PHF11: variants seen among roughly 807,000 people sequenced by gnomAD.
PHF11 encodes the protein PHD finger protein 11.
PHF11 carries 38 observed loss-of-function variants against 40.5 expected under a neutral mutation model. That is an observed-to-expected ratio of 0.94 (90% CI 0.72 to 1.23). The LOEUF (loss-of-function observed/expected upper bound fraction) is 1.23, where lower values mean the gene tolerates loss of function less well. Ranked by LOEUF, PHF11 falls within the 50% of genes most tolerant of loss-of-function variation. The pLI is 0.00. For missense variants in PHF11, 369 were observed against 392.4 expected (o/e 0.94, Z 0.50); for synonymous variants, 127 against 138.2 (o/e 0.92, Z 0.57).
chr13:49,502,162 G>A (rs961440563), intron 1 of PHF11, among the ~76,000 whole-genome samples: 6 of 152,092 alleles, frequency 3.9e-5, no homozygotes, highest in Admixed American at 3.3e-4. Context: ...TTAGCTAGAT[G>A]TGGTTGCATG....
rs528976183 is a variant in PHF11 at position 49,525,016 on chromosome 13, A to G, written c.769+800A>G. ...CCTGCATTCCTGTTGCTAAGATCTG[A>G]GAACAGTGTTATGTTACAGTTTTGA... On this transcript the variant is annotated intron_variant, in intron 8 of 9. Transcript: ENST00000378319. 3.3e-5 allele frequency among the ~76,000 whole-genome samples: 5 copies of G among 152,316 alleles called. No individual in the cohort carries two copies. In the East Asian group the frequency reaches 9.6e-4, roughly 29 times the overall value.
In PHF11 at chr13:49,526,106, T is replaced by C. The variant is rs1277613940; in HGVS notation, c.770-281T>C. ...ATCGCTTGAACCCAGGAGGCAGAGG[T>C]TGCAGTGAGCCAAGATCGCACCACT... On this transcript the variant is annotated intron_variant, in intron 8 of 9. Transcript: ENST00000378319. 5 of 367,026 alleles carry C rather than the reference T, an allele frequency of 1.4e-5. No individual in the cohort carries two copies. In the East Asian group the frequency reaches 1.8e-4, roughly 13 times the overall value. 22.7% of individuals were successfully genotyped at this position (367,026 alleles called of 1,614,324 possible).
At chr13:49,522,148 C>A in intron 6 of PHF11, 41 bp downstream of exon 6, 2 of 1,011,746 alleles carry the variant, frequency 2.0e-6, no homozygotes, top group Admixed American at 1.9e-5. Flanking sequence ...TTTCTTCATA[C>A]AGAGTCCTTA....
intron 8 of PHF11, among the ~76,000 whole-genome samples, 172 bp downstream of exon 8, chr13:49,524,388 A>G (rs539835856): frequency 6.6e-6 from 1 of 152,018 alleles, no homozygotes; most frequent in East Asian, 1.9e-4. Flanking sequence ...TTTGCCCTAT[A>G]GAAAATAATC....
intron 3 of PHF11, among the ~76,000 whole-genome samples, chr13:49,514,835 C>T (rs1959130706): frequency 6.6e-6 from 1 of 151,928 alleles, no homozygotes; most frequent in Non-Finnish European, 1.5e-5. Flanking sequence ...CTTGGCAAGA[C>T]TGGCTGCTGA....
intron 4 of PHF11, 105 bp from the exon 5 acceptor site, chr13:49,520,789 C>T (rs1004136359): frequency 1.3e-6 from 1 of 751,470 alleles, no homozygotes; most frequent in Non-Finnish European, 2.0e-6. Flanking sequence ...AGTGTGACGC[C>T]GTCATGAAAA....
chr13:49,524,301 A>G (rs77412505), intron 8 of PHF11, 85 bp downstream of exon 8: 9 of 1,085,550 alleles, frequency 8.3e-6, no homozygotes, highest in East Asian at 2.5e-5. Context: ...AAAAAAAAAA[A>G]GGCCCATTTT....
intron 9 of PHF11, 145 bp from the exon 10 acceptor site, chr13:49,528,366 C>T (rs1959400440): frequency 1.7e-6 from 1 of 580,488 alleles, no homozygotes; most frequent in African/African-American, 1.9e-5. Flanking sequence ...GAAACCAGCT[C>T]CTGCCCATAA....
chr13:49,526,511 C>CCT, intron 9 of PHF11, 53 bp downstream of exon 9: 38 of 960,648 alleles, frequency 4.0e-5, no homozygotes, highest in Non-Finnish European at 6.3e-5. Flanking sequence ...ATATTTATCA[C>CCT]GATATTGAAA....
chr13:49,498,260 C>T (rs751299907), intron 1 of PHF11, among the ~76,000 whole-genome samples: 6 of 152,186 alleles, frequency 3.9e-5, no homozygotes, highest in African/African-American at 1.4e-4. Context: ...TATAACACTA[C>T]GGAGCTTGAC....
intron 3 of PHF11, among the ~76,000 whole-genome samples, chr13:49,516,712 T>C (rs1436242781): frequency 6.6e-6 from 1 of 151,910 alleles, no homozygotes; most frequent in Non-Finnish European, 1.5e-5. Context: ...GCCTCCCAAA[T>C]AGCTGGGACT....
intron 4 of PHF11, among the ~76,000 whole-genome samples, chr13:49,519,993 AG>A (rs1377084289): frequency 6.6e-6 from 1 of 152,120 alleles, no homozygotes; most frequent in Non-Finnish European, 1.5e-5. Flanking sequence ...GCCGAGGAGG[AG>A]GAAAGGTTAG....
intron 1 of PHF11, chr13:49,497,295 T>C (rs1316147181): frequency 1.3e-6 from 1 of 789,008 alleles, no homozygotes; most frequent in East Asian, 6.3e-5. Flanking sequence ...CTTCCATTTC[T>C]GAAATGATCT....
chr13:49,496,860 T>A (rs1215342676), intron 1 of PHF11, among the ~76,000 whole-genome samples: 1 of 98,726 alleles, frequency 1.0e-5, no homozygotes, highest in African/African-American at 4.0e-5. Context: ...TTGAGAGGAG[T>A]TTCACTCTTG....
intron 2 of PHF11, among the ~76,000 whole-genome samples, chr13:49,510,030 T>C (rs1031162214): frequency 6.6e-6 from 1 of 151,978 alleles, no homozygotes; most frequent in Admixed American, 6.5e-5. Context: ...TGTGTGTGTG[T>C]GCTTTTTTTT....
intron 3 of PHF11, among the ~76,000 whole-genome samples, chr13:49,515,455 T>TAC (rs61316360): frequency 0.11 from 15,335 of 137,278 alleles, 979 homozygotes; most frequent in Non-Finnish European, 0.14. Context: ...CCATCTCCTA[T>TAC]ACACACACAC....
rs182042625 is a variant in PHF11 at position 49,518,292 on chromosome 13, G to A, written c.458+141G>A. 347 of 428,394 alleles carry A rather than the reference G, an allele frequency of 8.1e-4. 1 individual carries two copies. The highest frequency in any genetic ancestry group is 6.2e-3 in the African/African-American group (302 of 48,458). 26.5% of individuals were successfully genotyped at this position (428,394 alleles called of 1,614,324 possible). ...AAAGCCAGTTTGGGGGATGCACAGG[G>A]GTTATGTGAATTTTGAATTTCAGTG... is the stretch of plus-strand genomic sequence containing the variant. On this transcript the variant is annotated intron_variant, in intron 4 of 9. Coordinates refer to ENST00000378319, the MANE Select transcript of PHF11 (RefSeq NM_001040443.3).
At chr13:49,513,446 T>A (rs1407121698) in intron 3 of PHF11, among the ~76,000 whole-genome samples, 5 of 151,412 alleles carry the variant, frequency 3.3e-5, no homozygotes, top group African/African-American at 1.2e-4. Flanking sequence ...TTCTCCTGCC[T>A]CAGCCTCCCG....
At chr13:49,509,595 C>G (rs372786924) in intron 2 of PHF11, among the ~76,000 whole-genome samples, 1 of 152,128 alleles carries the variant, frequency 6.6e-6, no homozygotes, top group African/African-American at 2.4e-5. Flanking sequence ...ATAATCCCCA[C>G]GTGTCAAGGG....
Sources: gnomAD v4.1 joint callset for allele counts (sites outside exome capture counted in the v4.1 genomes callset) on GRCh38, gnomAD v4.1.1 for gene constraint, MANE v1.5 for transcripts, NCBI Gene and HGNC (gene_info 2026-07-23, HGNC 2026-07-21) for gene names.